The following CDC40 variants were observed in gnomAD, a reference collection of about 807,000 sequenced individuals.
The protein encoded by CDC40 is pre-mRNA-processing factor 17.
A neutral mutation model predicts 80.6 loss-of-function variants in CDC40; 27 were observed. The observed-to-expected ratio is 0.33, with a 90% CI of 0.25 to 0.46. CDC40 has a LOEUF of 0.46. Ranked by LOEUF, CDC40 falls within the 20% of genes least tolerant of loss-of-function variation. The pLI, the probability that CDC40 is intolerant of heterozygous loss-of-function variation, is 1.00. For missense variants in CDC40, 486 were observed against 694.1 expected (o/e 0.70, Z 3.37); for synonymous variants, 221 against 232.6 (o/e 0.95, Z 0.45).
intron 9 of CDC40, among the ~76,000 whole-genome samples, chr6:110,216,691 A>G (rs180687336): frequency 1.9e-3 from 288 of 152,256 alleles, no homozygotes; most frequent in African/African-American, 6.4e-3. Flanking sequence ...TGTGGTTAAC[A>G]ATTTGTGCCA....
In CDC40 at chr6:110,231,868, T is replaced by TA. The variant is rs1324049658; in HGVS notation, c.*1738dup. 3 of 145,836 alleles carry TA rather than the reference T, an allele frequency of 2.1e-5. No individual in the cohort carries two copies. Among genetic ancestry groups the TA allele is most frequent in the African/African-American group, 7.7e-5 (3 of 38,756 alleles). 9.0% of individuals were successfully genotyped at this position (145,836 alleles called of 1,614,324 possible). ...CATAGAAAAAGAATAAAAGCGGAGA[T>TA]ATATTTTTTGACACAGAGGCACCCA... is the stretch of plus-strand genomic sequence containing the variant. On this transcript the variant is annotated 3_prime_UTR_variant, in exon 15 of 15. Transcript: ENST00000307731.
At chr6:110,205,679 C>T (rs1777552399) in intron 3 of CDC40, among the ~76,000 whole-genome samples, 1 of 152,166 alleles carries the variant, frequency 6.6e-6, no homozygotes, top group Non-Finnish European at 1.5e-5. Context: ...TCTACTCCTT[C>T]ACCCTTCCAG....
intron 4 of CDC40, 21 bp from the exon 5 acceptor site, chr6:110,209,063 A>ATTTT: frequency 1.6e-6 from 2 of 1,247,390 alleles, no homozygotes; most frequent in Non-Finnish European, 2.2e-6. Context: ...TTTTTTTTTA[A>ATTTT]TTTTTTTTTT....
At chr6:110,196,869 T>C (rs1309007364) in intron 2 of CDC40, among the ~76,000 whole-genome samples, 2 of 152,198 alleles carry the variant, frequency 1.3e-5, no homozygotes, top group Admixed American at 6.5e-5. Context: ...CCTTAAAATT[T>C]GTTTATAAAT....
At chr6:110,208,047 A>G (rs532911806) in intron 4 of CDC40, among the ~76,000 whole-genome samples, 24 of 152,354 alleles carry the variant, frequency 1.6e-4, no homozygotes, top group African/African-American at 5.5e-4. Context: ...GCTTGTATTC[A>G]TATTCATTTT....
At chr6:110,220,895 A>T (rs901554660) in intron 12 of CDC40, among the ~76,000 whole-genome samples, 5 of 152,152 alleles carry the variant, frequency 3.3e-5, no homozygotes, top group African/African-American at 1.2e-4. Flanking sequence ...GTTATCTCCC[A>T]CAGGGTCCCT....
At chr6:110,197,443 CA>C (rs1777432602) in intron 2 of CDC40, among the ~76,000 whole-genome samples, 1 of 152,090 alleles carries the variant, frequency 6.6e-6, no homozygotes, top group Non-Finnish European at 1.5e-5. Flanking sequence ...GTGGTGAGAA[CA>C]CTTAAAATCT....
At chr6:110,182,700 T>G (rs1777215306) in intron 1 of CDC40, among the ~76,000 whole-genome samples, 1 of 152,236 alleles carries the variant, frequency 6.6e-6, no homozygotes, top group Non-Finnish European at 1.5e-5. Context: ...TTTTGGGTAG[T>G]GGGTTCTGTC....
chr6:110,216,706 C>T (rs1308295840), intron 9 of CDC40, among the ~76,000 whole-genome samples: 1 of 152,062 alleles, frequency 6.6e-6, no homozygotes, highest in African/African-American at 2.4e-5. Context: ...GTGCCATGCT[C>T]ATTTTGCACA....
rs779362671 is a variant in CDC40, at chr6:110,212,230, T to C, written c.825T>C (p.Tyr275=). Reference sequence around the variant, plus strand: ...CAACTATGCCACCTGAGAAGTGTTATCTTCCCAAAAAACAAATTCATGTGT... The same window carrying C: ...CAACTATGCCACCTGAGAAGTGTTACCTTCCCAAAAAACAAATTCATGTGT... ...LRSTMPPEKC[Y]LPKKQIHVWS... is the part of the protein sequence containing the mutation. The change falls in exon 7 of 15, where the codon TAT becomes TAC. Residue 275 remains tyrosine, a synonymous_variant. Transcript: ENST00000307731. The C allele has an allele frequency of 6.2e-7, 1 of 1,614,080 alleles. No homozygotes were observed. The highest frequency in any genetic ancestry group is 2.2e-5 in the East Asian group (1 of 44,862).
intron 1 of CDC40, among the ~76,000 whole-genome samples, chr6:110,185,997 T>A (rs1777264619): frequency 6.6e-6 from 1 of 152,206 alleles, no homozygotes; most frequent in South Asian, 2.1e-4. Context: ...ATCAGTACTT[T>A]CACCTTCTAC....
chr6:110,201,372 A>G (rs1490043624), intron 2 of CDC40, among the ~76,000 whole-genome samples, 186 bp from the exon 3 acceptor site: 2 of 152,184 alleles, frequency 1.3e-5, no homozygotes, highest in Non-Finnish European at 2.9e-5. Context: ...CTTCTGTCCC[A>G]GGGGCTGACA....
At chr6:110,198,728 AT>A (rs1300475755) in intron 2 of CDC40, among the ~76,000 whole-genome samples, 1 of 152,252 alleles carries the variant, frequency 6.6e-6, no homozygotes, top group Non-Finnish European at 1.5e-5. Context: ...TTAAATACGC[AT>A]ATGAACTTGA....
rs554053318 is a variant in CDC40, at chr6:110,216,724, G to A, written c.989-978G>A. Among the ~76,000 whole-genome samples, 124 of 152,272 alleles carry A rather than the reference G, an allele frequency of 8.1e-4. 1 individual carries two copies. The highest frequency in any genetic ancestry group is 1.3e-3 in the African/African-American group (54 of 41,558). ...CCATGCTCATTTTGCACAATTGTAC[G>A]TGTCTTGGTCATGGTGGGGTGGCAA... On this transcript the variant is annotated intron_variant, in intron 9 of 14. Transcript: ENST00000307731.
At chr6:110,223,187 C>T (rs570609177) in intron 12 of CDC40, among the ~76,000 whole-genome samples, 1 of 152,194 alleles carries the variant, frequency 6.6e-6, no homozygotes, top group South Asian at 2.1e-4. Flanking sequence ...TGGGCTCAAG[C>T]GATCGTCCTG....
At position 110,213,113 on chromosome 6, in the gene CDC40, C is replaced by G. The variant is rs775688868; in HGVS notation, c.895C>G (p.Leu299Val). ...CGTCAGTGCAGTCAGATTGTTTCCTCTCTCTGGCCATTTATTGCTGTCTTG... is the reference window on the plus strand; with the variant it reads ...CGTCAGTGCAGTCAGATTGTTTCCTGTCTCTGGCCATTTATTGCTGTCTTG... ...KGVSAVRLFP[L>V]SGHLLLSCSM... Residue 299 changes from leucine (L) to valine (V), a missense_variant, in exon 8 of 15, where the codon CTC becomes GTC. Leu to Val is a conservative substitution (Grantham distance 32, BLOSUM62 1). This residue lies in a region of CDC40 where 381 missense variants were observed against 492.1 expected (regional missense o/e 0.77). Transcript: ENST00000307731. The G allele has an allele frequency of 6.2e-7, 1 of 1,612,262 alleles. No individual in the cohort carries two copies. The highest frequency in any genetic ancestry group is 8.5e-7 in the Non-Finnish European group (1 of 1,178,270).
At chr6:110,203,584 T>G (rs1480734139) in intron 3 of CDC40, among the ~76,000 whole-genome samples, 1 of 152,210 alleles carries the variant, frequency 6.6e-6, no homozygotes, top group Non-Finnish European at 1.5e-5. Flanking sequence ...TTAATTTTCT[T>G]CCCATTTTTA....
At chr6:110,220,022 A>C (rs991635571) in intron 12 of CDC40, among the ~76,000 whole-genome samples, 153 bp downstream of exon 12, 1 of 152,238 alleles carries the variant, frequency 6.6e-6, no homozygotes, top group African/African-American at 2.4e-5. Context: ...CTATTTAAGT[A>C]CTGACAATAT....
Position 110,230,100 on chromosome 6 carries a change from G to C in CDC40, c.1709G>C (p.Gly570Ala). Residue 570 changes from glycine to alanine, a missense_variant, in exon 15 of 15, where the codon GGT (glycine) becomes GCT (alanine). Gly to Ala is a moderately conservative substitution (Grantham distance 60, BLOSUM62 0). This residue lies in a region of CDC40 where 88 missense variants were observed against 138.7 expected (regional missense o/e 0.63). Transcript: ENST00000307731. ...GAAACTTCTAAGGTCATAACATGTG[G>C]TTGGGATGGTCTCATTAAATTGTGG... ...PHETSKVITC[G>A]WDGLIKLWD 1 of 1,612,352 alleles carries C rather than the reference G, an allele frequency of 6.2e-7. No individual in the cohort carries two copies. The highest frequency in any genetic ancestry group is 2.2e-5 in the East Asian group (1 of 44,798).
Sources: gnomAD v4.1 joint callset for allele counts (sites outside exome capture counted in the v4.1 genomes callset) on GRCh38, gnomAD v4.1.1 for gene constraint, gnomAD v4.1.1 regional missense constraint, MANE v1.5 for transcripts, NCBI Gene and HGNC (gene_info 2026-07-23, HGNC 2026-07-21) for gene names.